C16orf89: variants seen among roughly 807,000 people sequenced by gnomAD.
The protein encoded by C16orf89 is chromosome 16 open reading frame 89.
Under a neutral mutation model 41.5 loss-of-function variants are expected in C16orf89, and 57 were observed. That is an observed-to-expected ratio of 1.38 (90% CI 1.11 to 1.71). The LOEUF (loss-of-function observed/expected upper bound fraction) is 1.71. C16orf89 is among the 40% of genes most tolerant of loss of function. C16orf89 has a pLI of 0.00. For synonymous variants in C16orf89, 223 were observed against 190.6 expected (o/e 1.17, Z -1.40); for missense variants, 575 against 445.9 (o/e 1.29, Z -2.61).
intron 5 of C16orf89, 48 bp downstream of exon 5, chr16:5,056,005 G>C: frequency 7.0e-7 from 1 of 1,424,382 alleles, no homozygotes; most frequent in Middle Eastern, 2.4e-4. Context: ...GTGTGTTGGT[G>C]GGGGGACACC....
In C16orf89 at chr16:5,044,445, A is replaced by G. The variant is rs1427682427; in HGVS notation, c.989T>C (p.Val330Ala). 6.2e-7 allele frequency: 1 copy of G among 1,613,138 alleles called. No homozygotes were observed. Among genetic ancestry groups the G allele is most frequent in the South Asian group, 1.1e-5 (1 of 91,032 alleles). Reference sequence around the variant, plus strand: ...GTATAGGAAGCCACCCAGGGCTGCCACTGCTGTGGCTGTGTTGTGGGAGGA... The same window carrying G: ...GTATAGGAAGCCACCCAGGGCTGCCGCTGCTGTGGCTGTGTTGTGGGAGGA... Reference protein sequence around the residue: ...GCSSHNTATAVAALGGFLYIL... With the variant: ...GCSSHNTATAAAALGGFLYIL... Residue 330 changes from valine (V) to alanine (A), a missense_variant, in exon 8 of 8, where the codon GTG (valine) becomes GCG (alanine). Val to Ala is a moderately conservative substitution (Grantham distance 64). Coordinates refer to ENST00000472572, the MANE Select transcript of C16orf89 (RefSeq NM_001098514.3).
At chr16:5,046,249 C>G (rs1956294761) in intron 7 of C16orf89, among the ~76,000 whole-genome samples, 1 of 152,220 alleles carries the variant, frequency 6.6e-6, no homozygotes, top group Admixed American at 6.5e-5. Context: ...TTACTGGAAT[C>G]ATATACCCAC....
chr16:5,060,324 C>T lies in C16orf89; in HGVS notation c.471G>A (p.Glu157=). ...GCTGCACCAGGCACACGTCACTTCT[C>T]TCCTCTGAGAATGAGTCCTGGGGCC... is the stretch of plus-strand genomic sequence containing the variant. ...TFGPQDSFSE[E]RSDVCLVQLL... is the part of the protein sequence containing the mutation. Residue 157 remains glutamate, a synonymous_variant, in exon 3 of 8, where the codon GAG becomes GAA. Coordinates refer to ENST00000472572, the MANE Select transcript of C16orf89 (RefSeq NM_001098514.3). 4 of 1,612,724 alleles carry T rather than the reference C, an allele frequency of 2.5e-6. No homozygotes were observed. The South Asian group carries it at 3.3e-5, about 13-fold the overall frequency.
intron 3 of C16orf89, among the ~76,000 whole-genome samples, chr16:5,059,555 C>A (rs188483951): frequency 2.0e-5 from 3 of 152,158 alleles, no homozygotes; most frequent in Non-Finnish European, 4.4e-5. Context: ...GTGTCCTGGC[C>A]TAAGCACTGC....
intron 6 of C16orf89, among the ~76,000 whole-genome samples, chr16:5,049,741 A>G (rs561694144): frequency 5.3e-4 from 81 of 152,348 alleles, no homozygotes; most frequent in African/African-American, 1.8e-3. Flanking sequence ...AAATACCTAC[A>G]TCAAAAAAGC....
downstream of C16orf89, chr16:5,043,999 T>TA (rs35753287): frequency 0.025 from 9,553 of 375,934 alleles, no homozygotes; most frequent in Non-Finnish European, 0.031. Context: ...ATCTATTAAT[T>TA]AAAAAAAAAA....
rs527974744 is a variant in C16orf89 at position 5,044,169 on chromosome 16, C to T, written c.*179G>A. ...CATCCGTTCACACCTGGGTCCCTCC[C>T]GGCCCCCACCTACCCTGGCCTTGCC... On this transcript the variant is annotated 3_prime_UTR_variant, in exon 8 of 8. Coordinates refer to ENST00000472572, the MANE Select transcript of C16orf89 (RefSeq NM_001098514.3). The T allele has an allele frequency of 2.2e-4, 298 of 1,362,070 alleles. No homozygotes were observed. The highest frequency in any genetic ancestry group is 6.8e-4 in the South Asian group (37 of 54,204). 84.4% of individuals were successfully genotyped at this position (1,362,070 alleles called of 1,614,324 possible).
chr16:5,059,836 G>C (rs187124931), intron 3 of C16orf89, among the ~76,000 whole-genome samples: 3 of 149,842 alleles, frequency 2.0e-5, no homozygotes. Context: ...TGGGGTCAGA[G>C]ATAGGATGGG....
At position 5,056,251 on chromosome 16, in the gene C16orf89, C is replaced by T; in HGVS notation, c.628-63G>A. ...GTACAGATGACAGACACACGCCCTG[C>T]TATGGGAAAGTCTTGCAGTTCTGAG... is the stretch of plus-strand genomic sequence containing the variant. On this transcript the variant is annotated intron_variant, in intron 4 of 7. Coordinates refer to ENST00000472572, the MANE Select transcript of C16orf89 (RefSeq NM_001098514.3). 1.2e-5 allele frequency: 18 copies of T among 1,479,888 alleles called. No homozygotes were observed. In the South Asian group the frequency reaches 2.1e-4, roughly 17 times the overall value. The allele number at this position is 1,479,888 out of a possible 1,614,324, so 91.7% of individuals were successfully genotyped here.
At position 5,058,189 on chromosome 16, in the gene C16orf89, G is replaced by A. The variant is rs553282346; in HGVS notation, c.627+304C>T. Among the ~76,000 whole-genome samples the A allele has an allele frequency of 3.1e-4, 47 of 151,684 alleles. No homozygotes were observed. The South Asian group carries it at 9.6e-3, about 31-fold the overall frequency. On this transcript the variant is annotated intron_variant, in intron 4 of 7. Coordinates refer to ENST00000472572, the MANE Select transcript of C16orf89 (RefSeq NM_001098514.3). Reference sequence around the variant, plus strand: ...ATTGCCTGGGCTGGAGTGCAGTGGCGCAATCTTACTCACTGCAACCTCCGC... The same window carrying A: ...ATTGCCTGGGCTGGAGTGCAGTGGCACAATCTTACTCACTGCAACCTCCGC...
chr16:5,060,356 T>TG lies in C16orf89; in HGVS notation c.438dup (p.Thr147HisfsTer14), dbSNP rs1567158676. 3 of 1,613,528 alleles carry TG rather than the reference T, an allele frequency of 1.9e-6. No individual in the cohort carries two copies. The highest frequency in any genetic ancestry group is 8.5e-7 in the Non-Finnish European group (1 of 1,179,802). ...GAGAATGAGTCCTGGGGCCCGAACG[T>TG]GGGGTACACCAAGGAGGCATCAGTG... is the stretch of plus-strand genomic sequence containing the variant. On this transcript the variant is annotated frameshift_variant, in exon 3 of 8. Coordinates refer to ENST00000472572, the MANE Select transcript of C16orf89 (RefSeq NM_001098514.3). LOFTEE classifies it high-confidence loss of function.
chr16:5,061,714 GGT>G (rs1330175512), intron 2 of C16orf89, among the ~76,000 whole-genome samples: 1 of 152,154 alleles, frequency 6.6e-6, no homozygotes, highest in Non-Finnish European at 1.5e-5. Flanking sequence ...CATGGGCTAT[GGT>G]CCCTGCGGCT....
chr16:5,057,509 ATTTTTC>A (rs1282207754), intron 4 of C16orf89, among the ~76,000 whole-genome samples: 2 of 149,464 alleles, frequency 1.3e-5, no homozygotes, highest in Non-Finnish European at 3.0e-5. Flanking sequence ...CCATATATAT[ATTTTTC>A]TTTTTCTATT....
chr16:5,054,255 G>C (rs1314086110), intron 6 of C16orf89, among the ~76,000 whole-genome samples: 1 of 152,182 alleles, frequency 6.6e-6, no homozygotes, highest in Non-Finnish European at 1.5e-5. Context: ...TCAGGAAGGT[G>C]GGGATTACTA....
chr16:5,052,838 T>C (rs1304194036), intron 6 of C16orf89, among the ~76,000 whole-genome samples: 3 of 152,220 alleles, frequency 2.0e-5, no homozygotes, highest in Admixed American at 2.0e-4. Flanking sequence ...CCATGTTTAT[T>C]GCAGCGCTAT....
chr16:5,050,895 A>C (rs945470686), intron 6 of C16orf89, among the ~76,000 whole-genome samples: 7 of 152,360 alleles, frequency 4.6e-5, no homozygotes, highest in Middle Eastern at 3.4e-3. Context: ...AGGATGGTTC[A>C]ACATATGCAA....
chr16:5,065,873 CAGTA>C lies in C16orf89; in HGVS notation c.32_35del (p.Leu11Ter), dbSNP rs1372034005. On this transcript the variant is annotated frameshift_variant, in exon 1 of 8. Coordinates refer to ENST00000472572, the MANE Select transcript of C16orf89 (RefSeq NM_001098514.3). LOFTEE classifies it high-confidence loss of function. ...AGGACCACAGCGGTGGCAGTGCTGT[CAGTA>C]AGAGCAGGAGCAGCAGCCCCAGGCT... is the stretch of plus-strand genomic sequence containing the variant. 1.9e-6 allele frequency: 3 copies of C among 1,614,156 alleles called. No homozygotes were observed. Among genetic ancestry groups the C allele is most frequent in the South Asian group, 1.1e-5 (1 of 91,060 alleles).
intron 6 of C16orf89, 90 bp from the exon 7 acceptor site, chr16:5,048,054 G>C (rs915606260): frequency 2.7e-6 from 2 of 746,090 alleles, no homozygotes; most frequent in African/African-American, 3.5e-5. Context: ...GTAGAGACAG[G>C]GTCTCATTCT....
intron 5 of C16orf89, chr16:5,055,621 A>G (rs955306072): frequency 4.9e-6 from 7 of 1,442,154 alleles, no homozygotes; most frequent in Non-Finnish European, 2.8e-6. Context: ...CCAGCCAGCT[A>G]GCAGCCTCCC....
Sources: allele counts gnomAD v4.1 joint callset (sites outside exome capture counted in the v4.1 genomes callset), GRCh38; gene constraint gnomAD v4.1.1; transcripts MANE v1.5; gene names NCBI Gene and HGNC (gene_info 2026-07-23, HGNC 2026-07-21).